ANXA4: variants seen among roughly 807,000 people sequenced by gnomAD.
The protein encoded by ANXA4 is 35-beta calcimedin.
In ANXA4, 39 loss-of-function variants were observed where a neutral mutation model predicts 49.8. The observed-to-expected ratio is 0.78, with a 90% CI of 0.61 to 1.02. The LOEUF (loss-of-function observed/expected upper bound fraction) is 1.02, where lower values mean the gene tolerates loss of function less well. Ranked by LOEUF, ANXA4 falls within the 50% of genes least tolerant of loss-of-function variation. The pLI is 0.00. For synonymous variants in ANXA4, 134 were observed against 152.5 expected (o/e 0.88, Z 0.89); for missense variants, 360 against 410.1 (o/e 0.88, Z 1.05).
chr2:69,725,274 C>T (rs758925532), intron 3 of ANXA4, among the ~76,000 whole-genome samples: 4 of 151,406 alleles, frequency 2.6e-5, no homozygotes, highest in Non-Finnish European at 5.9e-5. Context: ...TTAATCATTT[C>T]GGCATCTTTT....
intron 2 of ANXA4, among the ~76,000 whole-genome samples, chr2:69,694,214 C>A (rs1678077140): frequency 6.6e-6 from 1 of 151,994 alleles, no homozygotes; most frequent in South Asian, 2.1e-4. Flanking sequence ...GGATTACTGC[C>A]CTGTGAGAGA....
At chr2:69,783,319 G>A (rs1163739540) in intron 2 of ANXA4, among the ~76,000 whole-genome samples, 1 of 152,064 alleles carries the variant, frequency 6.6e-6, no homozygotes, top group African/African-American at 2.4e-5. Context: ...AGGTTTAAGC[G>A]GTTCCCCTGC....
At chr2:69,737,459 C>T (rs576076145), upstream of ANXA4, among the ~76,000 whole-genome samples, 21 of 152,210 alleles carry the variant, frequency 1.4e-4, no homozygotes, top group Non-Finnish European at 2.8e-4. Context: ...TTTCCCTTCT[C>T]TTTGCCTTCT....
intron 3 of ANXA4, among the ~76,000 whole-genome samples, chr2:69,735,534 T>C (rs1321406627): frequency 6.6e-6 from 1 of 152,136 alleles, no homozygotes; most frequent in Non-Finnish European, 1.5e-5. Context: ...TCTCAACTTG[T>C]TGGCTGCTGT....
chr2:69,767,775 T>C, intron 1 of ANXA4, among the ~76,000 whole-genome samples: 1 of 152,200 alleles, frequency 6.6e-6, no homozygotes, highest in African/African-American at 2.4e-5. Context: ...GTTTTTTGCA[T>C]CCAGCTTGTT....
intron 2 of ANXA4, among the ~76,000 whole-genome samples, chr2:69,668,751 G>A (rs1276545396): frequency 6.6e-6 from 1 of 152,136 alleles, no homozygotes; most frequent in Non-Finnish European, 1.5e-5. Flanking sequence ...ACTCCTGTCT[G>A]TGGAATGAGA....
chr2:69,803,717 A>G (rs192965134), intron 3 of ANXA4, among the ~76,000 whole-genome samples: 28 of 152,314 alleles, frequency 1.8e-4, no homozygotes, highest in Admixed American at 8.5e-4. Flanking sequence ...AAAATGCCAA[A>G]TTGGTGAATT....
At chr2:69,675,145 A>G (rs1677356544) in intron 2 of ANXA4, among the ~76,000 whole-genome samples, 1 of 152,056 alleles carries the variant, frequency 6.6e-6, no homozygotes, top group Non-Finnish European at 1.5e-5. Flanking sequence ...GATGGTCTCG[A>G]TCTCCTGTCC....
intron 1 of ANXA4, among the ~76,000 whole-genome samples, chr2:69,762,760 C>A (rs1362341086): frequency 6.6e-6 from 1 of 152,164 alleles, no homozygotes; most frequent in East Asian, 1.9e-4. Context: ...CCTCACAGCT[C>A]CTCACCTCAG....
intron 3 of ANXA4, among the ~76,000 whole-genome samples, chr2:69,800,656 G>A (rs1402455941): frequency 6.6e-6 from 1 of 152,164 alleles, no homozygotes; most frequent in East Asian, 1.9e-4. Flanking sequence ...AATGGACCTT[G>A]GGAGATGATT....
chr2:69,811,179 A>C (rs6712417), intron 7 of ANXA4: 10,299 of 154,974 alleles, frequency 0.066, 1,188 homozygotes, highest in African/African-American at 0.24. Flanking sequence ...GGGTGGGTGT[A>C]TTGCAGACAG....
At chr2:69,717,261 C>G (rs1669668780) in intron 2 of ANXA4, among the ~76,000 whole-genome samples, 1 of 152,142 alleles carries the variant, frequency 6.6e-6, no homozygotes, top group South Asian at 2.1e-4. Flanking sequence ...CCTGCCTATG[C>G]CTTCAAAGCT....
At chr2:69,769,957 C>A (rs1671645722) in intron 1 of ANXA4, among the ~76,000 whole-genome samples, 2 of 152,174 alleles carry the variant, frequency 1.3e-5, no homozygotes, top group South Asian at 4.1e-4. Context: ...GCCACTGCAC[C>A]AGGCCTAAGA....
chr2:69,699,570 G>C (rs996131098), intron 2 of ANXA4, among the ~76,000 whole-genome samples: 1 of 152,128 alleles, frequency 6.6e-6, no homozygotes, highest in Non-Finnish European at 1.5e-5. Context: ...TTGAGCCCAG[G>C]CTGCAGTGAG....
chr2:69,656,271 A>G (rs143977611), intron 2 of ANXA4, among the ~76,000 whole-genome samples: 5,033 of 135,796 alleles, frequency 0.037, 195 homozygotes, highest in Middle Eastern at 0.076. Context: ...ATATATATGT[A>G]TATACGTATA....
rs554108592 is a variant in ANXA4 at position 69,648,523 on chromosome 2, T to A, written n.481+3618T>A. Among the ~76,000 whole-genome samples the A allele has an allele frequency of 1.6e-4, 24 of 152,230 alleles. No individual in the cohort carries two copies. The East Asian group carries it at 4.4e-3, about 28-fold the overall frequency. On this transcript the variant is annotated intron_variant and non_coding_transcript_variant, in intron 1 of 3. Transcript: ENST00000418066. ...GAACTTGTAAGAACCATGTCCTTTT[T>A]AAAAAAATGACAGTTCTTGCCCAGG...
At chr2:69,663,326 T>TTTTTTTTTA (rs1198110358) in intron 2 of ANXA4, among the ~76,000 whole-genome samples, 1 of 119,714 alleles carries the variant, frequency 8.4e-6, no homozygotes, top group Non-Finnish European at 1.7e-5. Context: ...TTTTTTTTTT[T>TTTTTTTTTA]TGCTAAATAT....
intron 2 of ANXA4, among the ~76,000 whole-genome samples, chr2:69,681,721 G>T (rs1010610008): frequency 1.3e-5 from 2 of 152,120 alleles, no homozygotes; most frequent in Non-Finnish European, 2.9e-5. Context: ...TTTTCAAAAA[G>T]ACAACTTTTC....
chr2:69,652,337 T>G (rs1676283706), intron 1 of ANXA4, among the ~76,000 whole-genome samples: 1 of 152,198 alleles, frequency 6.6e-6, no homozygotes, highest in Non-Finnish European at 1.5e-5. Flanking sequence ...TGTTTTCTTT[T>G]TATATGCTGT....
Sources: gnomAD v4.1 joint callset for allele counts (sites outside exome capture counted in the v4.1 genomes callset) on GRCh38, gnomAD v4.1.1 for gene constraint, MANE v1.5 for transcripts, NCBI Gene and HGNC (gene_info 2026-07-23, HGNC 2026-07-21) for gene names.